Variants in EDRF1 observed in about 807,000 individuals in gnomAD.
EDRF1 encodes the protein erythroid differentiation-related factor 1.
In EDRF1, 69 loss-of-function variants were observed where a neutral mutation model predicts 148.7. The ratio of observed to expected loss-of-function variants is 0.46; its 90% confidence interval spans 0.38 to 0.57. The LOEUF is 0.57. Among genes scored for constraint, EDRF1 ranks in the 20% least tolerant of loss-of-function variants. EDRF1 has a pLI of 0.00. For synonymous variants in EDRF1, 515 were observed against 532.8 expected, an observed-to-expected ratio of 0.97 and a Z score of 0.46; for missense variants, 1,118 against 1,478.7, an observed-to-expected ratio of 0.76 and a Z score of 4.00.
rs750602130 is a variant in EDRF1 at position 125,738,383 on chromosome 10, A to G, written c.1919A>G (p.Asp640Gly). The G allele has an allele frequency of 6.2e-7, 1 of 1,614,038 alleles. No individual in the cohort carries two copies. The highest frequency in any genetic ancestry group is 8.5e-7 in the Non-Finnish European group (1 of 1,180,026). The change falls in exon 15 of 25, where the codon GAT (aspartate) becomes GGT (glycine). Residue 640 changes from aspartate (D) to glycine (G), a missense_variant. Asp to Gly is a moderately conservative substitution (Grantham distance 94). Around this residue, in one of 3 missense-constraint regions of EDRF1, gnomAD observed 954 missense variants for 1,241.4 expected, o/e 0.77. Coordinates refer to ENST00000356792, the MANE Select transcript of EDRF1 (RefSeq NM_001202438.2). ...PSTPIPLKYEDESSRGGPEGL... is the reference protein window; with the variant it reads ...PSTPIPLKYEGESSRGGPEGL... ...ACTCCAATCCCGTTAAAATATGAAG[A>G]TGAATCCTCAAGAGGGGGTCCCGAG...
chr10:125,726,774 A>T (rs1009165121), intron 6 of EDRF1, among the ~76,000 whole-genome samples: 1 of 152,260 alleles, frequency 6.6e-6, no homozygotes, highest in Non-Finnish European at 1.5e-5. Flanking sequence ...AGGAAAAGGA[A>T]GTAATTAATA....
chr10:125,738,016 T>C (rs376784265), intron 14 of EDRF1, 27 bp downstream of exon 14: 1 of 1,598,730 alleles, frequency 6.3e-7, no homozygotes, highest in East Asian at 2.2e-5. Flanking sequence ...TCTTCACTTT[T>C]TTCGTAAAGT....
At chr10:125,727,122 G>T (rs982813752) in intron 6 of EDRF1, among the ~76,000 whole-genome samples, 1 of 152,120 alleles carries the variant, frequency 6.6e-6, no homozygotes, top group Non-Finnish European at 1.5e-5. Flanking sequence ...TCATACAGCT[G>T]GCGAAACTCT....
rs554468941 is a variant in EDRF1 at position 125,761,132 on chromosome 10, T to C, written c.3546-2169T>C. On this transcript the variant is annotated intron_variant, in intron 24 of 24. Coordinates refer to ENST00000356792, the MANE Select transcript of EDRF1 (RefSeq NM_001202438.2). ...CCTCTGGCAAAAAAATAAACAAGGC[T>C]TAATAATTAAAATCTTAAGTTTATT... 6.3e-4 allele frequency: 191 copies of C among 302,494 alleles called. 1 individual carries two copies. Among genetic ancestry groups the C allele is most frequent in the African/African-American group, 4.0e-3 (179 of 44,398 alleles). 18.7% of individuals were successfully genotyped at this position (302,494 alleles called of 1,614,324 possible).
In EDRF1 at chr10:125,725,761, G is replaced by T; in HGVS notation, c.715G>T (p.Asp239Tyr). The T allele has an allele frequency of 6.2e-7, 1 of 1,614,100 alleles. No homozygotes were observed. ...QESSSSDQTN[D>Y]SEGASWPAPF... ...ATCGTCCAGTTCAGATCAGACAAAT[G>T]ATTCGGAAGGGGCTTCATGGCCTGC... Residue 239 changes from aspartate (D) to tyrosine (Y), a missense_variant, in exon 6 of 25, where the codon GAT becomes TAT. Physicochemically the swap from Asp to Tyr is radical, Grantham distance 160 (BLOSUM62 -3). Coordinates refer to ENST00000356792, the MANE Select transcript of EDRF1 (RefSeq NM_001202438.2).
intron 18 of EDRF1, 65 bp from the exon 19 acceptor site, chr10:125,745,642 G>T (rs1589854708): frequency 1.3e-6 from 2 of 1,539,286 alleles, no homozygotes; most frequent in African/African-American, 1.4e-5. Flanking sequence ...ATCTCATCAA[G>T]AGACAGTGCT....
intron 15 of EDRF1, 65 bp downstream of exon 15, chr10:125,738,510 C>G: frequency 6.3e-7 from 1 of 1,586,946 alleles, no homozygotes; most frequent in East Asian, 2.2e-5. Context: ...TTATCAACAG[C>G]AGACTTATGT....
At chr10:125,742,548 G>A (rs1218628752) in intron 17 of EDRF1, 2 of 985,190 alleles carry the variant, frequency 2.0e-6, no homozygotes, top group East Asian at 2.3e-4. Flanking sequence ...ATGTTTTAAT[G>A]TAGTAGGAAA....
chr10:125,752,663 G>A, intron 22 of EDRF1, 136 bp from the exon 23 acceptor site: 1 of 636,888 alleles, frequency 1.6e-6, no homozygotes, highest in Non-Finnish European at 2.8e-6. Context: ...AATAGAAGTT[G>A]GATTTAGAAG....
chr10:125,740,523 A>G lies in EDRF1; in HGVS notation c.2042A>G (p.Gln681Arg). ...SQSGMIPGSW[Q>R]HKMKLQLILK... ...TCTGGAATGATCCCTGGCTCTTGGCAACATAAAATGAAACTTCAGCTGATT... is the reference window on the plus strand; with the variant it reads ...TCTGGAATGATCCCTGGCTCTTGGCGACATAAAATGAAACTTCAGCTGATT... The change falls in exon 16 of 25, where the codon CAA becomes CGA. Residue 681 changes from glutamine (Q) to arginine (R), a missense_variant. By Grantham distance (43) the Gln-to-Arg change is conservative. Coordinates refer to ENST00000356792, the MANE Select transcript of EDRF1 (RefSeq NM_001202438.2). 1 of 1,614,166 alleles carries G rather than the reference A, an allele frequency of 6.2e-7. No individual in the cohort carries two copies. The highest frequency in any genetic ancestry group is 8.5e-7 in the Non-Finnish European group (1 of 1,180,030).
At chr10:125,741,720 GTC>G (rs1426411362) in intron 17 of EDRF1, 2 of 172,568 alleles carry the variant, frequency 1.2e-5, no homozygotes, top group Non-Finnish European at 2.5e-5. Context: ...TTGAGACACA[GTC>G]TCGCTCTGCC....
rs144286145 is a variant in EDRF1, at chr10:125,737,949, C to G, written c.1790C>G (p.Thr597Arg). Residue 597 changes from threonine to arginine, a missense_variant, in exon 14 of 25, where the codon ACA (threonine) becomes AGA (arginine). This residue lies in a region of EDRF1 where 954 missense variants were observed against 1,241.4 expected (regional missense o/e 0.77). Transcript: ENST00000356792. ...PSCAFPVCHD[T>R]EERCRLVLSY... Reference sequence around the variant, plus strand: ...TGTGCATTTCCAGTTTGCCATGACACAGAAGAGCGCTGTAGACTTGTGCTT... The same window carrying G: ...TGTGCATTTCCAGTTTGCCATGACAGAGAAGAGCGCTGTAGACTTGTGCTT... 4 of 1,613,984 alleles carry G rather than the reference C, an allele frequency of 2.5e-6. No individual in the cohort carries two copies. The East Asian group carries it at 8.9e-5, about 36-fold the overall frequency.
intron 12 of EDRF1, among the ~76,000 whole-genome samples, chr10:125,734,727 A>G (rs894604611): frequency 3.3e-5 from 5 of 152,200 alleles, no homozygotes; most frequent in African/African-American, 9.6e-5. Flanking sequence ...AGAGAAGGGG[A>G]AAAAGCATCT....
intron 4 of EDRF1, among the ~76,000 whole-genome samples, chr10:125,724,930 T>G (rs1848181093): frequency 6.6e-6 from 1 of 152,228 alleles, no homozygotes; most frequent in Admixed American, 6.5e-5. Context: ...TAGTTCATCA[T>G]GTGAGTATGA....
Position 125,725,304 on chromosome 10 carries a change from C to T in EDRF1, c.511-14C>T, listed in dbSNP as rs1848204689. 1.2e-6 allele frequency: 2 copies of T among 1,613,638 alleles called. No homozygotes were observed. Among genetic ancestry groups the T allele is most frequent in the Non-Finnish European group, 1.7e-6 (2 of 1,179,676 alleles). On this transcript the variant is annotated splice_polypyrimidine_tract_variant and intron_variant, in intron 4 of 24. Coordinates refer to ENST00000356792, the MANE Select transcript of EDRF1 (RefSeq NM_001202438.2). The stretch of plus-strand genomic sequence containing the variant: ...TGTGTGTTGTATTAATAATATGTAT[C>T]TCATGTTATCCAGACTGGTGACTGG...
chr10:125,756,381 T>C (rs1199678309), intron 24 of EDRF1, among the ~76,000 whole-genome samples: 2 of 152,240 alleles, frequency 1.3e-5, no homozygotes, highest in East Asian at 1.9e-4. Context: ...ACATGTTCCA[T>C]GTGTACTTGA....
chr10:125,758,187 T>G (rs1043568905), intron 24 of EDRF1, among the ~76,000 whole-genome samples: 1 of 152,222 alleles, frequency 6.6e-6, no homozygotes, highest in African/African-American at 2.4e-5. Context: ...GCAATTGCCC[T>G]GGGTTCATTC....
intron 17 of EDRF1, chr10:125,742,675 A>G: frequency 2.0e-6 from 2 of 984,988 alleles, no homozygotes; most frequent in Non-Finnish European, 2.4e-6. Context: ...CAGCCTCTTC[A>G]GTGACTTAAA....
At chr10:125,758,211 T>C (rs1421234280) in intron 24 of EDRF1, among the ~76,000 whole-genome samples, 1 of 152,202 alleles carries the variant, frequency 6.6e-6, no homozygotes, top group African/African-American at 2.4e-5. Context: ...CAGTTCCAGC[T>C]CTCTGCTGAA....
Sources: gnomAD v4.1 joint callset for allele counts (sites outside exome capture counted in the v4.1 genomes callset) on GRCh38, gnomAD v4.1.1 for gene constraint, gnomAD v4.1.1 regional missense constraint, MANE v1.5 for transcripts, NCBI Gene and HGNC (gene_info 2026-07-23, HGNC 2026-07-21) for gene names.